The following ZFPM2 variants were observed in gnomAD, a reference collection of about 807,000 sequenced individuals.
ZFPM2 encodes zinc finger protein, FOG family member 2.
ZFPM2 carries 20 observed loss-of-function variants against 98.6 expected under a neutral mutation model. The ratio of observed to expected loss-of-function variants is 0.20; its 90% CI spans 0.14 to 0.29. The LOEUF (loss-of-function observed/expected upper bound fraction) is 0.29. Ranked by LOEUF, ZFPM2 falls within the 10% of genes least tolerant of loss-of-function variation. The probability of loss-of-function intolerance (pLI) is 1.00; values close to 1 mark genes in which losing one functional copy is unlikely to be tolerated. For missense variants in ZFPM2, 1,310 were observed against 1,388.6 expected, an observed-to-expected ratio of 0.94 and a Z score of 0.90; for synonymous variants, 518 against 502.7, an observed-to-expected ratio of 1.03 and a Z score of -0.41.
intron 6 of ZFPM2, among the ~76,000 whole-genome samples, chr8:105,792,819 C>G (rs1348201842): frequency 2.0e-4 from 31 of 152,220 alleles, no homozygotes; most frequent in East Asian, 7.7e-4. Context: ...TTGTTGAATT[C>G]ATCCCTTTAC....
At chr8:105,396,082 A>G (rs1295986424) in intron 1 of ZFPM2, among the ~76,000 whole-genome samples, 5 of 152,244 alleles carry the variant, frequency 3.3e-5, no homozygotes, top group Non-Finnish European at 5.9e-5. Context: ...TACAACTACC[A>G]TATTTCTACA....
intron 3 of ZFPM2, among the ~76,000 whole-genome samples, chr8:105,556,848 G>A (rs1208270223): frequency 4.0e-5 from 6 of 151,578 alleles, no homozygotes; most frequent in Admixed American, 3.3e-4. Context: ...TCAGCCTCCC[G>A]AGTAGTTGGG....
intron 5 of ZFPM2, among the ~76,000 whole-genome samples, chr8:105,719,484 G>A (rs1204896260): frequency 1.3e-5 from 2 of 151,810 alleles, no homozygotes; most frequent in South Asian, 2.1e-4. Context: ...CTCTGAATTC[G>A]GAAAGACTTG....
At position 105,419,248 on chromosome 8, in the gene ZFPM2, G is replaced by A; in HGVS notation, c.145G>A (p.Glu49Lys). ...TCCATTGGAGGAAAGCTTTTCCACA[G>A]AATTTGGGCCTGAAAATCTGAGCTG... ...DFPLEESFST[E>K]FGPENLSCEE... Residue 49 changes from glutamate (E) to lysine (K), a missense_variant, in exon 2 of 8, where the codon GAA (glutamate) becomes AAA (lysine). Physicochemically the swap from Glu to Lys is moderately conservative, Grantham distance 56. Transcript: ENST00000407775. The A allele has an allele frequency of 6.2e-7, 1 of 1,613,642 alleles. No individual in the cohort carries two copies. The highest frequency in any genetic ancestry group is 8.5e-7 in the Non-Finnish European group (1 of 1,179,698).
intron 3 of ZFPM2, among the ~76,000 whole-genome samples, chr8:105,517,017 C>G (rs1383611346): frequency 6.6e-6 from 1 of 152,136 alleles, no homozygotes; most frequent in Non-Finnish European, 1.5e-5. Context: ...TTCTATTCAT[C>G]GTCTGAGTAA....
intron 5 of ZFPM2, among the ~76,000 whole-genome samples, chr8:105,679,377 T>C (rs1159795327): frequency 6.6e-6 from 1 of 152,188 alleles, no homozygotes; most frequent in African/African-American, 2.4e-5. Context: ...CACATGTATG[T>C]TGACCATCTG....
chr8:105,477,248 T>C (rs2130371291), intron 3 of ZFPM2, among the ~76,000 whole-genome samples: 1 of 142,366 alleles, frequency 7.0e-6, no homozygotes, highest in East Asian at 2.1e-4. Flanking sequence ...TTTTTTTTTT[T>C]TTTTTTTTTT....
intron 6 of ZFPM2, among the ~76,000 whole-genome samples, chr8:105,789,241 C>G (rs1046365852): frequency 2.6e-5 from 4 of 152,088 alleles, no homozygotes; most frequent in African/African-American, 7.2e-5. Context: ...CCCGCTCCCC[C>G]CACCCCACAA....
Position 105,318,830 on chromosome 8 carries a change from G to T in ZFPM2, c.-112G>T. The T allele has an allele frequency of 1.7e-6, 1 of 583,354 alleles. No homozygotes were observed. Among genetic ancestry groups the T allele is most frequent in the Non-Finnish European group, 2.1e-6 (1 of 466,444 alleles). The allele number at this position is 583,354 out of a possible 1,614,324, so 36.1% of individuals were successfully genotyped here. On this transcript the variant is annotated 5_prime_UTR_variant, in exon 1 of 8. Transcript: ENST00000407775. ...GAGCACCTGGAGTCCGGCCGGCGGC[G>T]GGCCGAGCCTGGCCAGCGGCGGCGG... is the stretch of plus-strand genomic sequence containing the variant.
chr8:105,355,269 T>C (rs1812719347), intron 1 of ZFPM2, among the ~76,000 whole-genome samples: 1 of 152,234 alleles, frequency 6.6e-6, no homozygotes, highest in South Asian at 2.1e-4. Context: ...GCTATTTTTA[T>C]TCTAACTGGT....
rs536928054 is a variant in ZFPM2, at chr8:105,457,732, T to G, written c.301+13351T>G. On this transcript the variant is annotated intron_variant, in intron 3 of 7. Transcript: ENST00000407775. ...TTTTTGCAAGTCTAATTCCATAGCATGTGTGGTAAACATGCCTTCATTTTG... is the reference window on the plus strand; with the variant it reads ...TTTTTGCAAGTCTAATTCCATAGCAGGTGTGGTAAACATGCCTTCATTTTG... 2.0e-5 allele frequency among the ~76,000 whole-genome samples: 3 copies of G among 152,330 alleles called. No individual in the cohort carries two copies. In the East Asian group the frequency reaches 5.8e-4, roughly 29 times the overall value.
chr8:105,343,322 G>A (rs1291984270), intron 1 of ZFPM2, among the ~76,000 whole-genome samples: 1 of 152,082 alleles, frequency 6.6e-6, no homozygotes, highest in Non-Finnish European at 1.5e-5. Context: ...GTACTGGCCA[G>A]TCACATCTTG....
chr8:105,545,848 T>G (rs1207365939), intron 3 of ZFPM2, among the ~76,000 whole-genome samples: 1 of 152,210 alleles, frequency 6.6e-6, no homozygotes, highest in Non-Finnish European at 1.5e-5. Flanking sequence ...AGTATTTTTT[T>G]TTACTAATGC....
At chr8:105,517,118 A>G (rs2130530503) in intron 3 of ZFPM2, among the ~76,000 whole-genome samples, 1 of 152,338 alleles carries the variant, frequency 6.6e-6, no homozygotes, top group South Asian at 2.1e-4. Context: ...ACTAAAGAAT[A>G]AAGAATATGG....
chr8:105,708,267 A>C (rs1381622940), intron 5 of ZFPM2, among the ~76,000 whole-genome samples: 1 of 152,166 alleles, frequency 6.6e-6, no homozygotes, highest in Non-Finnish European at 1.5e-5. Flanking sequence ...GAAATATGAA[A>C]AATTAAATAT....
rs1217084626 is a variant in ZFPM2 at position 105,582,756 on chromosome 8, G to A, written c.420+21275G>A. On this transcript the variant is annotated intron_variant, in intron 4 of 7. Coordinates refer to ENST00000407775, the MANE Select transcript of ZFPM2 (RefSeq NM_012082.4). Reference sequence around the variant, plus strand: ...CCACAAGCATGTGCCACCATCCTTGGCTAATTTTTGTATTTCTTGTAGAGA... The same window carrying A: ...CCACAAGCATGTGCCACCATCCTTGACTAATTTTTGTATTTCTTGTAGAGA... Among the ~76,000 whole-genome samples the A allele has an allele frequency of 3.3e-5, 5 of 152,010 alleles. No homozygotes were observed. The East Asian group carries it at 9.7e-4, about 29-fold the overall frequency.
intron 3 of ZFPM2, among the ~76,000 whole-genome samples, chr8:105,481,127 G>A (rs1440097480): frequency 1.3e-5 from 2 of 152,074 alleles, no homozygotes; most frequent in East Asian, 3.9e-4. Flanking sequence ...TGCGGACTAG[G>A]AGAACATGTT....
intron 1 of ZFPM2, among the ~76,000 whole-genome samples, chr8:105,403,285 G>A (rs1477968119): frequency 6.6e-6 from 1 of 151,876 alleles, no homozygotes; most frequent in African/African-American, 2.4e-5. Flanking sequence ...TATTATTAGT[G>A]GGTCCAGCTC....
intron 3 of ZFPM2, among the ~76,000 whole-genome samples, chr8:105,495,562 T>C (rs1813450596): frequency 6.6e-6 from 1 of 152,240 alleles, no homozygotes; most frequent in African/African-American, 2.4e-5. Context: ...TGCTTGTTCC[T>C]GCCTTATAAA....
Sources: allele counts gnomAD v4.1 joint callset (sites outside exome capture counted in the v4.1 genomes callset), GRCh38; gene constraint gnomAD v4.1.1; transcripts MANE v1.5; gene names NCBI Gene and HGNC (gene_info 2026-07-23, HGNC 2026-07-21).